The following LRWD1 variants were observed in gnomAD, a reference collection of about 807,000 sequenced individuals.
LRWD1 encodes leucine rich repeats and WD repeat domain containing 1.
In LRWD1, 76 loss-of-function variants were observed where a neutral mutation model predicts 75.6. The ratio of observed to expected loss-of-function variants is 1.01; its 90% confidence interval spans 0.84 to 1.22. LRWD1 has a LOEUF of 1.22. LRWD1 is among the 50% of genes most tolerant of loss of function. The pLI, the probability that LRWD1 is intolerant of heterozygous loss-of-function variation, is 0.00. For synonymous variants in LRWD1, 487 were observed against 377.0 expected (o/e 1.29, Z -3.38); for missense variants, 917 against 862.0 (o/e 1.06, Z -0.80).
intron 13 of LRWD1, 33 bp from the exon 14 acceptor site, chr7:102,472,659 G>GC (rs749077113): frequency 6.2e-7 from 1 of 1,612,514 alleles, no homozygotes; most frequent in South Asian, 1.1e-5. Flanking sequence ...CGGGAGCTCT[G>GC]CCCCCACTCA....
At chr7:102,467,901 G>A in intron 5 of LRWD1, 78 bp downstream of exon 5, 1 of 1,513,262 alleles carries the variant, frequency 6.6e-7, no homozygotes, top group Admixed American at 2.1e-5. Flanking sequence ...AAGGCGTCCT[G>A]GGCATGTGCC....
chr7:102,468,471 C>G (rs1437304808), intron 7 of LRWD1, 83 bp from the exon 8 acceptor site: 1 of 1,539,174 alleles, frequency 6.5e-7, no homozygotes, highest in Non-Finnish European at 8.8e-7. Context: ...AAGGCGCCAT[C>G]AAGGCTGGGA....
At chr7:102,472,386 G>C in intron 12 of LRWD1, 68 bp from the exon 13 acceptor site, 1 of 1,550,986 alleles carries the variant, frequency 6.4e-7, no homozygotes, top group East Asian at 2.4e-5. Flanking sequence ...CTAGGCTTCT[G>C]AGGATCTCTA....
At chr7:102,470,491 C>T (rs12533619) in intron 11 of LRWD1, 80,199 of 152,244 alleles carry the variant, frequency 0.53, 22,521 homozygotes, top group Middle Eastern at 0.65. Context: ...AGCGTGGGGG[C>T]CTCAGGGGAC....
intron 3 of LRWD1, 54 bp from the exon 4 acceptor site, chr7:102,467,284 TG>T: frequency 6.5e-7 from 1 of 1,541,278 alleles, no homozygotes; most frequent in East Asian, 2.5e-5. Context: ...GATGGAGGGC[TG>T]GGTCCGGAGG....
At chr7:102,468,039 T>TGGTCACAAGGCCCCC in intron 5 of LRWD1, 23 bp from the exon 6 acceptor site, 1 of 1,602,048 alleles carries the variant, frequency 6.2e-7, no homozygotes, top group Non-Finnish European at 8.5e-7. Context: ...GACAGGCCCA[T>TGGTCACAAGGCCCCC]GGTCACAAGG....
At position 102,465,842 on chromosome 7, in the gene LRWD1, G is replaced by A. The variant is rs778703203; in HGVS notation, c.106G>A (p.Glu36Lys). 3 of 1,613,000 alleles carry A rather than the reference G, an allele frequency of 1.9e-6. No homozygotes were observed. Among genetic ancestry groups the A allele is most frequent in the African/African-American group, 1.3e-5 (1 of 74,806 alleles). Residue 36 changes from glutamate to lysine, a missense_variant, in exon 2 of 15, where the codon GAG becomes AAG. Transcript: ENST00000292616. Reference protein sequence around the residue: ...LDLSGLELLSEHLDPKLLCRL... With the variant: ...LDLSGLELLSKHLDPKLLCRL... ...CCTGTCAGGATTGGAGCTGCTTTCC[G>A]AGCACCTGGACCCCAAACTCCTGTG...
At chr7:102,465,664 C>A in intron 1 of LRWD1, 153 bp from the exon 2 acceptor site, 1 of 630,608 alleles carries the variant, frequency 1.6e-6, no homozygotes, top group East Asian at 2.8e-5. Context: ...TGAGTGACAC[C>A]CCGTCTCTAA....
chr7:102,465,181 G>A lies in LRWD1; in HGVS notation c.80+21G>A, dbSNP rs754933626. 9 of 1,471,472 alleles carry A rather than the reference G, an allele frequency of 6.1e-6. 1 individual carries two copies. The South Asian group carries it at 1.2e-4, about 20-fold the overall frequency. 91.2% of individuals were successfully genotyped at this position (1,471,472 alleles called of 1,614,324 possible). A position where few individuals can be genotyped will look rare whatever the true frequency, so the allele number is the denominator to read the frequency against. On this transcript the variant is annotated intron_variant, in intron 1 of 14. Coordinates refer to ENST00000292616, the MANE Select transcript of LRWD1 (RefSeq NM_152892.3). ...CTGGAGTAAGAGCCGGGCAGCGGGT[G>A]AGGCTGTGTCCTCGGGGCCGGGCGG...
chr7:102,469,860 C>G lies in LRWD1; in HGVS notation c.1420C>G (p.Leu474Val), dbSNP rs771764805. 1.1e-5 allele frequency: 17 copies of G among 1,586,264 alleles called. No individual in the cohort carries two copies. The South Asian group carries it at 1.5e-4, about 14-fold the overall frequency. Residue 474 changes from leucine to valine, a missense_variant, in exon 11 of 15, where the codon CTG becomes GTG. Leu to Val is a conservative substitution (Grantham distance 32, BLOSUM62 1). Coordinates refer to ENST00000292616, the MANE Select transcript of LRWD1 (RefSeq NM_152892.3). ...EGGCCCWDVR[L>V]DQPQKRRVCE... ...CGGCTGCTGCTGCTGGGACGTGCGG[C>G]TGGACCAGCCCCAAAAGAGGAGGTG... is the stretch of plus-strand genomic sequence containing the variant.
rs1000654546 is a variant in LRWD1, at chr7:102,473,124, G to T, written c.*75G>T. On this transcript the variant is annotated 3_prime_UTR_variant, in exon 15 of 15. Coordinates refer to ENST00000292616, the MANE Select transcript of LRWD1 (RefSeq NM_152892.3). ...CTTTGGGCCGATGGGGGTGGGGGGG[G>T]GTCTTTCAGTGAATATTTTTATTAA... is the stretch of plus-strand genomic sequence containing the variant. 9 of 1,432,116 alleles carry T rather than the reference G, an allele frequency of 6.3e-6. No individual in the cohort carries two copies. In the Admixed American group the frequency reaches 8.8e-5, roughly 14 times the overall value. The allele number at this position is 1,432,116 out of a possible 1,614,324, so 88.7% of individuals were successfully genotyped here. A position where few individuals can be genotyped will look rare whatever the true frequency, so the allele number is the denominator to read the frequency against.
chr7:102,465,160 AG>A lies in LRWD1; in HGVS notation c.80+1del. On this transcript the variant is annotated splice_donor_variant, in intron 1 of 14. Transcript: ENST00000292616. LOFTEE classifies it high-confidence loss of function. ...CGGCTGGGGAAGATCCGGAGTCTGG[AG>A]TAAGAGCCGGGCAGCGGGTGAGGCT... The A allele has an allele frequency of 6.7e-7, 1 of 1,503,672 alleles. No homozygotes were observed. 93.1% of individuals were successfully genotyped at this position (1,503,672 alleles called of 1,614,324 possible).
chr7:102,468,700 C>G, intron 8 of LRWD1, 46 bp downstream of exon 8: 3 of 1,546,082 alleles, frequency 1.9e-6, no homozygotes, highest in Non-Finnish European at 2.6e-6. Flanking sequence ...GCCCGACTGA[C>G]TCCTGAACAG....
chr7:102,469,861 T>G lies in LRWD1; in HGVS notation c.1421T>G (p.Leu474Arg). Residue 474 changes from leucine to arginine, a missense_variant, in exon 11 of 15, where the codon CTG becomes CGG. By Grantham distance (102) the Leu-to-Arg change is moderately radical (BLOSUM62 -2). Transcript: ENST00000292616. ...GGCTGCTGCTGCTGGGACGTGCGGC[T>G]GGACCAGCCCCAAAAGAGGAGGTGA... ...EGGCCCWDVR[L>R]DQPQKRRVCE... The G allele has an allele frequency of 6.3e-7, 1 of 1,586,554 alleles. No homozygotes were observed.
At chr7:102,469,507 A>G in intron 9 of LRWD1, 67 bp from the exon 10 acceptor site, 1 of 1,582,906 alleles carries the variant, frequency 6.3e-7, no homozygotes, top group East Asian at 2.2e-5. Flanking sequence ...TCAGCCTGGG[A>G]TGCAGCCAGC....
intron 7 of LRWD1, 81 bp downstream of exon 7, chr7:102,468,458 T>C (rs1798082173): frequency 6.5e-7 from 1 of 1,538,624 alleles, no homozygotes; most frequent in African/African-American, 1.4e-5. Context: ...AGACAGAGCT[T>C]AAAAGGCGCC....
chr7:102,467,879 C>T, intron 5 of LRWD1, 56 bp downstream of exon 5: 1 of 1,530,828 alleles, frequency 6.5e-7, no homozygotes, highest in South Asian at 1.2e-5. Flanking sequence ...CCTGGAGAAG[C>T]TTCAGGAGAC....
At chr7:102,469,496 C>A in intron 9 of LRWD1, 78 bp from the exon 10 acceptor site, 1 of 1,554,710 alleles carries the variant, frequency 6.4e-7, no homozygotes. Flanking sequence ...GGACCGTGGG[C>A]TCAGCCTGGG....
rs774537250 is a variant in LRWD1 at position 102,468,150 on chromosome 7, T to C, written c.767T>C (p.Val256Ala). Residue 256 changes from valine to alanine, a missense_variant, in exon 6 of 15, where the codon GTG becomes GCG. Transcript: ENST00000292616. ...KRACASPSAQVEGSPVAGSDG... is the reference protein window; with the variant it reads ...KRACASPSAQAEGSPVAGSDG... Reference sequence around the variant, plus strand: ...GCGTGTGCCTCCCCGTCGGCCCAGGTGGAGGGCAGCCCTGTGGCAGGCTCC... The same window carrying C: ...GCGTGTGCCTCCCCGTCGGCCCAGGCGGAGGGCAGCCCTGTGGCAGGCTCC... 6.2e-7 allele frequency: 1 copy of C among 1,606,662 alleles called. No homozygotes were observed. The highest frequency in any genetic ancestry group is 8.5e-7 in the Non-Finnish European group (1 of 1,177,734).
Sources: allele counts gnomAD v4.1 joint callset, GRCh38; gene constraint gnomAD v4.1.1; transcripts MANE v1.5; gene names NCBI Gene and HGNC (gene_info 2026-07-23, HGNC 2026-07-21).